EIF3B: variants seen among roughly 807,000 people sequenced by gnomAD.
EIF3B encodes eukaryotic translation initiation factor 3 subunit B.
Under a neutral mutation model 104.6 loss-of-function variants are expected in EIF3B, and 10 were observed. The ratio of observed to expected loss-of-function variants is 0.10; its 90% CI spans 0.06 to 0.16. The LOEUF (loss-of-function observed/expected upper bound fraction) is 0.16, where lower values mean the gene tolerates loss of function less well. Among genes scored for constraint, EIF3B ranks in the 10% least tolerant of loss-of-function variants. The pLI is 1.00. For missense variants in EIF3B, 1,014 were observed against 1,087.9 expected (o/e 0.93, Z 0.96); for synonymous variants, 542 against 417.2 (o/e 1.30, Z -3.65).
At chr7:2,355,559 C>T (rs946075710) in intron 1 of EIF3B, 139 bp downstream of exon 1, 4 of 1,226,872 alleles carry the variant, frequency 3.3e-6, no homozygotes, top group Non-Finnish European at 4.3e-6. Flanking sequence ...GAGAAGCCAC[C>T]GAGGGAGGGG....
rs972707404 is a variant in EIF3B, at chr7:2,363,579, G to C, written c.871-53G>C. Reference sequence around the variant, plus strand: ...ATCTTTAAGAGCAATAGTTGTGAATGAGTTTTTTATTAAAATTAATGAAAT... The same window carrying C: ...ATCTTTAAGAGCAATAGTTGTGAATCAGTTTTTTATTAAAATTAATGAAAT... On this transcript the variant is annotated intron_variant, in intron 4 of 18. Coordinates refer to ENST00000360876, the MANE Select transcript of EIF3B (RefSeq NM_001037283.2). The C allele has an allele frequency of 2.6e-6, 4 of 1,516,622 alleles. No homozygotes were observed. The African/African-American group carries it at 5.6e-5, about 21-fold the overall frequency. 93.9% of individuals were successfully genotyped at this position (1,516,622 alleles called of 1,614,324 possible).
chr7:2,355,112 C>T lies in EIF3B; in HGVS notation c.191C>T (p.Ser64Phe). ...GGGATCGCGGAGGCCGGGCCGGAGT[C>T]CGAGGTGAGGACCGAGCCGGCGGCC... ...EVGIAEAGPE[S>F]EVRTEPAAEA... Residue 64 changes from serine to phenylalanine, a missense_variant, in exon 1 of 19, where the codon TCC becomes TTC. By Grantham distance (155) the Ser-to-Phe change is radical. Coordinates refer to ENST00000360876, the MANE Select transcript of EIF3B (RefSeq NM_001037283.2). 2.2e-6 allele frequency: 3 copies of T among 1,371,118 alleles called. No individual in the cohort carries two copies. Among genetic ancestry groups the T allele is most frequent in the Non-Finnish European group, 1.9e-6 (2 of 1,068,988 alleles). 84.9% of individuals were successfully genotyped at this position (1,371,118 alleles called of 1,614,324 possible).
Position 2,360,865 on chromosome 7 carries a change from A to G in EIF3B, c.655A>G (p.Asn219Asp), listed in dbSNP as rs769457046. The change falls in exon 2 of 19, where the codon AAT becomes GAT. Residue 219 changes from asparagine to aspartate, a missense_variant. Physicochemically the swap from Asn to Asp is conservative, Grantham distance 23. Around this residue, in one of 4 missense-constraint regions of EIF3B, gnomAD observed 488 missense variants for 404.3 expected, o/e 1.21. Transcript: ENST00000360876. ...CTTTTCCAAGTTTGGGAAAATCACA[A>G]ATGATTTTTATCCTGAAGAGGATGG... ...KIFSKFGKIT[N>D]DFYPEEDGKT... is the part of the protein sequence containing the mutation. 6.2e-7 allele frequency: 1 copy of G among 1,613,624 alleles called. No individual in the cohort carries two copies. The highest frequency in any genetic ancestry group is 1.7e-5 in the Admixed American group (1 of 59,978).
At chr7:2,362,182 A>G (rs1779767576) in intron 2 of EIF3B, among the ~76,000 whole-genome samples, 1 of 151,624 alleles carries the variant, frequency 6.6e-6, no homozygotes, top group African/African-American at 2.4e-5. Flanking sequence ...CTGGTCTCGA[A>G]CTCCTGACCT....
At chr7:2,366,624 C>A in intron 8 of EIF3B, 33 bp downstream of exon 8, 2 of 1,612,328 alleles carry the variant, frequency 1.2e-6, no homozygotes, top group Non-Finnish European at 1.7e-6. Context: ...AACGCCCCGT[C>A]CGGTCCTTGC....
In EIF3B at chr7:2,364,354, C is replaced by A; in HGVS notation, c.1000-18C>A. ...TGCCATTTTGTTGTATTAACGTTGG[C>A]ACTGCCTTTTTCTGCAGAGATGGAC... On this transcript the variant is annotated intron_variant, in intron 5 of 18. Coordinates refer to ENST00000360876, the MANE Select transcript of EIF3B (RefSeq NM_001037283.2). The A allele has an allele frequency of 6.4e-7, 1 of 1,571,196 alleles. No homozygotes were observed. Among genetic ancestry groups the A allele is most frequent in the South Asian group, 1.2e-5 (1 of 81,628 alleles).
intron 2 of EIF3B, among the ~76,000 whole-genome samples, chr7:2,362,082 C>T (rs1779762355): frequency 6.6e-6 from 1 of 152,170 alleles, no homozygotes; most frequent in Non-Finnish European, 1.5e-5. Flanking sequence ...GCCTTAGCCT[C>T]CTGAGTAGCT....
At chr7:2,376,444 G>A (rs1333743173) in intron 14 of EIF3B, 1 of 152,464 alleles carries the variant, frequency 6.6e-6, no homozygotes, top group African/African-American at 2.4e-5. Flanking sequence ...CTGAGTGCCA[G>A]TGAAGGCGCC....
At chr7:2,362,914 C>A (rs1779816231) in intron 3 of EIF3B, 150 bp downstream of exon 3, 6 of 1,428,470 alleles carry the variant, frequency 4.2e-6, no homozygotes, top group Non-Finnish European at 5.8e-6. Context: ...CACAGCCCTG[C>A]CCCACACTTC....
Position 2,355,365 on chromosome 7 carries a change from G to C in EIF3B, c.444G>C (p.Ala148=), listed in dbSNP as rs771025157. 1 of 1,536,776 alleles carries C rather than the reference G, an allele frequency of 6.5e-7. No individual in the cohort carries two copies. The highest frequency in any genetic ancestry group is 8.7e-7 in the Non-Finnish European group (1 of 1,148,148). The change falls in exon 1 of 19, where the codon GCG becomes GCC. Residue 148 remains alanine (A), a synonymous_variant. Coordinates refer to ENST00000360876, the MANE Select transcript of EIF3B (RefSeq NM_001037283.2). ...CCCGGGCGCTGGAGAACGGCGACGC[G>C]GACGAGCCCTCCTTCAGCGACCCCG... ...AEPRALENGD[A]DEPSFSDPED...
intron 1 of EIF3B, among the ~76,000 whole-genome samples, chr7:2,357,660 G>A (rs1005221492): frequency 6.6e-6 from 1 of 152,068 alleles, no homozygotes; most frequent in Non-Finnish European, 1.5e-5. Flanking sequence ...TTGCTATTTA[G>A]TGTTGAGAAT....
intron 2 of EIF3B, among the ~76,000 whole-genome samples, chr7:2,362,134 AT>A (rs1562478345): frequency 2.0e-5 from 3 of 151,818 alleles, no homozygotes; most frequent in Non-Finnish European, 4.4e-5. Context: ...TAATTTTTGT[AT>A]ATTTAGCAGA....
rs1779307702 is a variant in EIF3B at position 2,354,949 on chromosome 7, C to A, written c.28C>A (p.Pro10Thr). 8.2e-7 allele frequency: 1 copy of A among 1,226,252 alleles called. No homozygotes were observed. 76.0% of individuals were successfully genotyped at this position (1,226,252 alleles called of 1,614,324 possible). A position where few individuals can be genotyped will look rare whatever the true frequency, so the allele number is the denominator to read the frequency against. MQDAENVAV[P>T]EAAEERAEPG... ...GCAGGACGCGGAGAACGTGGCGGTG[C>A]CCGAGGCGGCCGAGGAGCGCGCCGA... Residue 10 changes from proline to threonine, a missense_variant, in exon 1 of 19, where the codon CCC becomes ACC. Physicochemically the swap from Pro to Thr is conservative, Grantham distance 38. Transcript: ENST00000360876.
In EIF3B at chr7:2,363,617, G is replaced by C; in HGVS notation, c.871-15G>C. 1 of 1,590,136 alleles carries C rather than the reference G, an allele frequency of 6.3e-7. No homozygotes were observed. The highest frequency in any genetic ancestry group is 8.5e-7 in the Non-Finnish European group (1 of 1,171,946). ...AAATTAATGAAATGTTATATTCCTTGTCTTTGTTTTTAAGGGGAACTTACG... is the reference window on the plus strand; with the variant it reads ...AAATTAATGAAATGTTATATTCCTTCTCTTTGTTTTTAAGGGGAACTTACG... On this transcript the variant is annotated splice_polypyrimidine_tract_variant and intron_variant, in intron 4 of 18. Transcript: ENST00000360876.
intron 14 of EIF3B, 94 bp from the exon 15 acceptor site, chr7:2,376,856 C>G: frequency 6.6e-7 from 1 of 1,523,336 alleles, no homozygotes; most frequent in Non-Finnish European, 8.9e-7. Flanking sequence ...TCACACGTGT[C>G]CCCGATACCC....
intron 1 of EIF3B, among the ~76,000 whole-genome samples, chr7:2,356,902 C>G (rs1464863647): frequency 6.6e-6 from 1 of 151,912 alleles, no homozygotes; most frequent in Admixed American, 6.6e-5. Flanking sequence ...GGAAGGACAC[C>G]ACAAACTAAA....
At chr7:2,366,938 G>C (rs140616148) in intron 8 of EIF3B, 61 bp from the exon 9 acceptor site, 1 of 1,530,974 alleles carries the variant, frequency 6.5e-7, no homozygotes, top group Non-Finnish European at 9.0e-7. Context: ...AAAAAGTTAG[G>C]TGTGTTTCTG....
At chr7:2,355,602 C>T (rs1361985963) in intron 1 of EIF3B, among the ~76,000 whole-genome samples, 182 bp downstream of exon 1, 1 of 152,172 alleles carries the variant, frequency 6.6e-6, no homozygotes, top group Non-Finnish European at 1.5e-5. Context: ...TCTGAGAGCC[C>T]AGCGCCTCCC....
intron 2 of EIF3B, among the ~76,000 whole-genome samples, chr7:2,361,296 T>G (rs1779712698): frequency 6.6e-6 from 1 of 152,144 alleles, no homozygotes; most frequent in Admixed American, 6.6e-5. Flanking sequence ...TAGAATAGTT[T>G]TAGTTTCTAG....
Sources: gnomAD v4.1 joint callset for allele counts (sites outside exome capture counted in the v4.1 genomes callset) on GRCh38, gnomAD v4.1.1 for gene constraint, gnomAD v4.1.1 regional missense constraint, MANE v1.5 for transcripts, NCBI Gene and HGNC (gene_info 2026-07-23, HGNC 2026-07-21) for gene names.